Variants in IKZF1 observed in about 807,000 individuals in gnomAD.
IKZF1 encodes DNA-binding protein Ikaros.
Under a neutral mutation model 51.7 loss-of-function variants are expected in IKZF1, and 10 were observed. The observed-to-expected ratio is 0.19, with a 90% CI of 0.12 to 0.33. IKZF1 has a LOEUF of 0.33. Among genes scored for constraint, IKZF1 ranks in the 10% least tolerant of loss-of-function variants. The probability of loss-of-function intolerance (pLI) is 1.00; values close to 1 mark genes in which losing one functional copy is unlikely to be tolerated. For synonymous variants in IKZF1, 280 were observed against 282.3 expected, an observed-to-expected ratio of 0.99 and a Z score of 0.08; for missense variants, 484 against 707.5, an observed-to-expected ratio of 0.68 and a Z score of 3.58.
intron 7 of IKZF1, among the ~76,000 whole-genome samples, chr7:50,395,551 ATTATC>A (rs1816474465): frequency 6.6e-6 from 1 of 152,176 alleles, no homozygotes; most frequent in Non-Finnish European, 1.5e-5. Context: ...CAGTGTTCAC[ATTATC>A]TTATTATTTT....
At chr7:50,361,118 A>G (rs1402308793) in intron 3 of IKZF1, among the ~76,000 whole-genome samples, 1 of 152,136 alleles carries the variant, frequency 6.6e-6, no homozygotes, top group Non-Finnish European at 1.5e-5. Flanking sequence ...CTATCTAATC[A>G]TTGTTCCTCC....
In IKZF1 at chr7:50,400,833, C is replaced by T. The variant is rs1258945222; in HGVS notation, c.*206C>T. 5 of 669,288 alleles carry T rather than the reference C, an allele frequency of 7.5e-6. No individual in the cohort carries two copies. In the African/African-American group the frequency reaches 9.1e-5, roughly 12 times the overall value. 41.5% of individuals were successfully genotyped at this position (669,288 alleles called of 1,614,324 possible). On this transcript the variant is annotated 3_prime_UTR_variant, in exon 8 of 8. Transcript: ENST00000331340. The surrounding 1 kb of genome is among the most constrained non-coding windows in gnomAD (Gnocchi z 5.4). ...AAGATTTTTATTTTTAGAGGCAGGGCTGCATTGGGAGCATCCAGAACTGCT... is the reference window on the plus strand; with the variant it reads ...AAGATTTTTATTTTTAGAGGCAGGGTTGCATTGGGAGCATCCAGAACTGCT...
intron 3 of IKZF1, among the ~76,000 whole-genome samples, chr7:50,332,717 T>C (rs920591973): frequency 1.5e-3 from 224 of 152,322 alleles, no homozygotes; most frequent in Non-Finnish European, 2.7e-3. Flanking sequence ...CATATGGGCC[T>C]GGGACAGGGC....
intron 1 of IKZF1, among the ~76,000 whole-genome samples, chr7:50,310,907 G>A (rs1790008837): frequency 6.6e-6 from 1 of 152,316 alleles, no homozygotes; most frequent in Middle Eastern, 3.4e-3. Context: ...CCCCTCGAAG[G>A]TGGGGTGATG....
intron 3 of IKZF1, among the ~76,000 whole-genome samples, chr7:50,357,702 C>T (rs1036613376): frequency 1.3e-5 from 2 of 152,174 alleles, no homozygotes; most frequent in African/African-American, 4.8e-5. Context: ...AGATGGTCCT[C>T]CCTGATGTGT....
chr7:50,380,953 C>T (rs371029766), intron 4 of IKZF1, among the ~76,000 whole-genome samples: 12 of 152,154 alleles, frequency 7.9e-5, no homozygotes, highest in Admixed American at 5.9e-4. Context: ...AACCTGCTTA[C>T]GTTTAAACTC....
chr7:50,368,151 A>G (rs1168461007), intron 3 of IKZF1: 1 of 703,446 alleles, frequency 1.4e-6, no homozygotes, highest in African/African-American at 1.7e-5. Flanking sequence ...TCCTTCATCA[A>G]CCCCCGAGAT....
At position 50,402,924 on chromosome 7, in the gene IKZF1, T is replaced by C. The variant is rs75589016; in HGVS notation, c.*2297T>C. The C allele has an allele frequency of 9.9e-3, 2,262 of 229,228 alleles. 47 individuals are homozygous for C. Among genetic ancestry groups the C allele is most frequent in the African/African-American group, 0.044 (2,007 of 45,220 alleles). The allele number at this position is 229,228 out of a possible 1,614,324, so 14.2% of individuals were successfully genotyped here. On this transcript the variant is annotated 3_prime_UTR_variant, in exon 8 of 8. Transcript: ENST00000331340. ...TGCGCCTTATCCAAGTTAATATCTC[T>C]AAGGTGAGAGCCTTCTTAGAGTCAG...
chr7:50,324,952 G>A (rs181161230), intron 2 of IKZF1, among the ~76,000 whole-genome samples: 39 of 152,172 alleles, frequency 2.6e-4, no homozygotes, highest in African/African-American at 9.4e-4. Context: ...AGCTATAGGA[G>A]GAAAAGAGTC....
intron 4 of IKZF1, among the ~76,000 whole-genome samples, chr7:50,380,088 C>T (rs969988325): frequency 1.4e-4 from 21 of 152,226 alleles, no homozygotes; most frequent in African/African-American, 4.8e-4. Flanking sequence ...ACACACATGG[C>T]GTGGGCTGCG....
intron 3 of IKZF1, among the ~76,000 whole-genome samples, chr7:50,375,932 C>G (rs1406181715): frequency 6.6e-6 from 1 of 152,122 alleles, no homozygotes; most frequent in African/African-American, 2.4e-5. Flanking sequence ...AAAGAACTTC[C>G]GGAAATCTGA....
intron 1 of IKZF1, chr7:50,318,350 A>C (rs1294440823): frequency 4.4e-6 from 1 of 228,212 alleles, no homozygotes; most frequent in East Asian, 6.2e-5. Context: ...ATCTGTCAGC[A>C]AAACAGGAAG....
chr7:50,338,915 G>T (rs1798401629), intron 3 of IKZF1, among the ~76,000 whole-genome samples: 2 of 152,248 alleles, frequency 1.3e-5, no homozygotes, highest in Non-Finnish European at 2.9e-5. Flanking sequence ...TAGGATCAGT[G>T]AGATAACAGA....
At chr7:50,375,278 G>A (rs551410806) in intron 3 of IKZF1, among the ~76,000 whole-genome samples, 2 of 152,244 alleles carry the variant, frequency 1.3e-5, no homozygotes, top group African/African-American at 4.8e-5. Flanking sequence ...AAAAAAAATG[G>A]CTGGATGTGG....
At chr7:50,327,980 A>G (rs901337768) in intron 3 of IKZF1, 1 of 513,022 alleles carries the variant, frequency 1.9e-6, no homozygotes, top group Admixed American at 3.8e-5. Context: ...ACCCCGCAAA[A>G]TGTCCAAGTT....
chr7:50,346,687 C>G lies in IKZF1; in HGVS notation c.160+18930C>G, dbSNP rs139198218. On this transcript the variant is annotated intron_variant, in intron 3 of 7. Transcript: ENST00000331340. ...GAAAAAGAAATCCCATCCCCTGCCT[C>G]GAAAGGAGCTCTTCTGTGTGTAAGT... is the stretch of plus-strand genomic sequence containing the variant. 2.0e-3 allele frequency among the ~76,000 whole-genome samples: 307 copies of G among 152,294 alleles called. 1 individual carries two copies. Among genetic ancestry groups the G allele is most frequent in the African/African-American group, 6.5e-3 (269 of 41,566 alleles).
chr7:50,308,057 C>T (rs1372923701), intron 1 of IKZF1, among the ~76,000 whole-genome samples: 3 of 152,174 alleles, frequency 2.0e-5, no homozygotes, highest in Admixed American at 6.5e-5. Context: ...CTTAAAGTTT[C>T]AGTGTCGTCA....
At chr7:50,352,328 C>T (rs1160423190) in intron 3 of IKZF1, among the ~76,000 whole-genome samples, 1 of 152,166 alleles carries the variant, frequency 6.6e-6, no homozygotes, top group East Asian at 1.9e-4. Flanking sequence ...TACTTCTAAT[C>T]TGCTGGGAAT....
rs1222270370 is a variant in IKZF1, at chr7:50,400,102, C to G, written c.1035C>G (p.Ser345Arg). Reference sequence around the variant, plus strand: ...GTTCCGAGGTGGTCCCGGTCATCAGCCCGATGTACCAGCTGCACAAGCCGC... The same window carrying G: ...GTTCCGAGGTGGTCCCGGTCATCAGGCCGATGTACCAGCTGCACAAGCCGC... ...PGGSEVVPVISPMYQLHKPLA... is the reference protein window; with the variant it reads ...PGGSEVVPVIRPMYQLHKPLA... Residue 345 changes from serine to arginine, a missense_variant, in exon 8 of 8, where the codon AGC (serine) becomes AGG (arginine). By Grantham distance (110) the Ser-to-Arg change is moderately radical. Transcript: ENST00000331340. The surrounding 1 kb of genome is among the most constrained non-coding windows in gnomAD (Gnocchi z 5.4). 2 of 1,564,346 alleles carry G rather than the reference C, an allele frequency of 1.3e-6. No homozygotes were observed. The highest frequency in any genetic ancestry group is 3.8e-5 in the Admixed American group (2 of 52,036).
Sources: allele counts gnomAD v4.1 joint callset (sites outside exome capture counted in the v4.1 genomes callset), GRCh38; gene constraint gnomAD v4.1.1; non-coding constraint Gnocchi (gnomAD v3.1); transcripts MANE v1.5; gene names NCBI Gene and HGNC (gene_info 2026-07-23, HGNC 2026-07-21).